MTERF4: variants seen among roughly 807,000 people sequenced by gnomAD.
MTERF4 encodes transcription termination factor 4, mitochondrial.
A neutral mutation model predicts 22.5 loss-of-function variants in MTERF4; 17 were observed. The ratio of observed to expected loss-of-function variants is 0.75; its 90% CI spans 0.52 to 1.13. MTERF4 has a LOEUF of 1.13. MTERF4 is among the 50% of genes most tolerant of loss of function. The pLI is 0.00. For missense variants in MTERF4, 420 were observed against 466.8 expected (o/e 0.90, Z 0.92); for synonymous variants, 165 against 175.3 (o/e 0.94, Z 0.47).
the MTERF4 span, chr2:241,053,466 CCTGT>C: frequency 1.2e-6 from 1 of 851,128 alleles, no homozygotes; most frequent in Non-Finnish European, 1.8e-6. Flanking sequence ...CCCTCAGTCT[CCTGT>C]CTGTGAATGT....
At chr2:241,064,818 T>TA in the MTERF4 span, 10 of 1,535,416 alleles carry the variant, frequency 6.5e-6, no homozygotes, top group African/African-American at 1.4e-5. This position sits in a 1 kb window ranked among gnomAD's most constrained non-coding sequence, Gnocchi z 7.0. Flanking sequence ...CGCCCCAACA[T>TA]ACACTGCCAC....
At position 241,099,890 on chromosome 2, in the gene MTERF4, A is replaced by C; in HGVS notation, c.26T>G (p.Leu9Arg). 1 of 1,611,270 alleles carries C rather than the reference A, an allele frequency of 6.2e-7. No homozygotes were observed. Among genetic ancestry groups the C allele is most frequent in the South Asian group, 1.1e-5 (1 of 91,050 alleles). ...GAGGGGGATCAGGCGGTGCCAATCAAGGACCTGTAAGACACAGGACCAAAA... is the reference window on the plus strand; with the variant it reads ...GAGGGGGATCAGGCGGTGCCAATCACGGACCTGTAAGACACAGGACCAAAA... MAAFGRQVLDWHRLIPLTW... is the reference protein window; with the variant it reads MAAFGRQVRDWHRLIPLTW... The change falls in exon 2 of 4, where the codon CTT (leucine) becomes CGT (arginine). Residue 9 changes from leucine to arginine, a missense_variant. Leu to Arg is a moderately radical substitution (Grantham distance 102). Transcript: ENST00000391980.
downstream of MTERF4, chr2:241,088,983 A>G (rs1010078704): frequency 7.3e-6 from 2 of 273,280 alleles, no homozygotes; most frequent in Non-Finnish European, 6.9e-6. Flanking sequence ...GCATTCATAA[A>G]TCCTGACGTG....
chr2:241,055,092 G>A, the MTERF4 span, among the ~76,000 whole-genome samples: 1 of 151,870 alleles, frequency 6.6e-6, no homozygotes, highest in Non-Finnish European at 1.5e-5. Flanking sequence ...ACTCCTACTT[G>A]GGTGATAGAG....
exon 5 of MTERF4, chr2:241,074,162 C>G (rs2062892419): frequency 1.3e-5 from 2 of 152,290 alleles, no homozygotes; most frequent in African/African-American, 4.8e-5. Flanking sequence ...AAGGTGTGAG[C>G]TGCTGAGCGT....
chr2:241,080,509 G>GGGT (rs1450454917), intron 4 of MTERF4, among the ~76,000 whole-genome samples: 1 of 152,144 alleles, frequency 6.6e-6, no homozygotes, highest in Non-Finnish European at 1.5e-5. Context: ...TTGGAGAAAT[G>GGGT]GGTGATTCCA....
At chr2:241,062,985 GTC>G in the MTERF4 span, 1 of 889,760 alleles carries the variant, frequency 1.1e-6, no homozygotes, top group South Asian at 1.7e-5. Context: ...CCCCGGACAG[GTC>G]TCTGTCTGGA....
At chr2:241,084,891 A>AT (rs1207753562), downstream of MTERF4, among the ~76,000 whole-genome samples, 4 of 152,088 alleles carry the variant, frequency 2.6e-5, no homozygotes, top group Non-Finnish European at 5.9e-5. Flanking sequence ...TTTGCTGAAT[A>AT]TAGACTTCTT....
the MTERF4 span, among the ~76,000 whole-genome samples, chr2:241,056,114 G>T: frequency 6.6e-6 from 1 of 151,796 alleles, no homozygotes; most frequent in African/African-American, 2.4e-5. Context: ...TCACCCAAGT[G>T]TTGGAATTTA....
the MTERF4 span, among the ~76,000 whole-genome samples, chr2:241,065,951 G>A: frequency 6.6e-6 from 1 of 150,874 alleles, no homozygotes; most frequent in Non-Finnish European, 1.5e-5. Context: ...GCGGGGGTGG[G>A]CTTGGGGGGG....
At chr2:241,089,425 A>T (rs1282011817), downstream of MTERF4, 1 of 1,549,658 alleles carries the variant, frequency 6.5e-7, no homozygotes, top group Non-Finnish European at 8.7e-7. Flanking sequence ...GAAGCAAAAC[A>T]GCTTTTCAGA....
intron 4 of MTERF4, among the ~76,000 whole-genome samples, chr2:241,081,949 G>C (rs1221343326): frequency 2.0e-5 from 3 of 152,204 alleles, no homozygotes; most frequent in Non-Finnish European, 4.4e-5. Context: ...GAGCCCCCAG[G>C]GGCTGCGCTG....
downstream of MTERF4, chr2:241,087,737 A>G (rs2063658878): frequency 1.3e-5 from 17 of 1,295,044 alleles, no homozygotes; most frequent in South Asian, 3.7e-4. Flanking sequence ...CACACAGAAC[A>G]TGGTGCTACA....
chr2:241,073,219 G>A lies in MTERF4; in HGVS notation n.2943C>T, dbSNP rs377723476. On this transcript the variant is annotated non_coding_transcript_exon_variant, in exon 5 of 5. Transcript: ENST00000464344. This position sits in a 1 kb window ranked among gnomAD's most constrained non-coding sequence, Gnocchi z 6.6. ...AAAAGGGTGGCCCCAGGACCATCCC[G>A]GGTGCAAAGCAGCTGCGCCGTGTGG... 1,541 of 1,419,512 alleles carry A rather than the reference G, an allele frequency of 1.1e-3. 1 individual carries two copies. The highest frequency in any genetic ancestry group is 1.3e-3 in the Non-Finnish European group (1,387 of 1,029,756). The allele number at this position is 1,419,512 out of a possible 1,614,324, so 87.9% of individuals were successfully genotyped here. A position where few individuals can be genotyped will look rare whatever the true frequency, so the allele number is the denominator to read the frequency against.
At chr2:241,087,682 C>G (rs1018988600), downstream of MTERF4, 6 of 1,365,098 alleles carry the variant, frequency 4.4e-6, no homozygotes, top group South Asian at 1.1e-4. Context: ...GGGGCACAGC[C>G]GGGCATGCTG....
downstream of MTERF4, among the ~76,000 whole-genome samples, chr2:241,068,571 C>A (rs909788280): frequency 6.6e-6 from 1 of 152,082 alleles, no homozygotes; most frequent in African/African-American, 2.4e-5. The surrounding 1 kb of genome is among the most constrained non-coding windows in gnomAD (Gnocchi z 5.3). Context: ...GAATTTACAT[C>A]AACTCACCTG....
At chr2:241,063,965 C>A in the MTERF4 span, 1 of 1,381,660 alleles carries the variant, frequency 7.2e-7, no homozygotes, top group Non-Finnish European at 1.0e-6. Flanking sequence ...CTCCCTCCCC[C>A]AGACTCCCCC....
chr2:241,067,530 C>T (rs1256519527), downstream of MTERF4, among the ~76,000 whole-genome samples: 1 of 152,182 alleles, frequency 6.6e-6, no homozygotes, highest in Non-Finnish European at 1.5e-5. Context: ...CGGGCTGGCC[C>T]ACAGCGGGCT....
chr2:241,053,368 ACC>A, the MTERF4 span: 1 of 1,517,818 alleles, frequency 6.6e-7, no homozygotes, highest in Non-Finnish European at 8.8e-7. Context: ...TGGGGCCCAC[ACC>A]CTCCTCATCC....
Sources: allele counts gnomAD v4.1 joint callset (sites outside exome capture counted in the v4.1 genomes callset), GRCh38; gene constraint gnomAD v4.1.1; non-coding constraint Gnocchi (gnomAD v3.1); transcripts MANE v1.5; gene names NCBI Gene and HGNC (gene_info 2026-07-23, HGNC 2026-07-21).